Variants in RGR observed in about 807,000 individuals in gnomAD.
RGR encodes retinal G protein coupled receptor, also known as RPE-retinal G protein-coupled receptor.
Under a neutral mutation model 28.6 loss-of-function variants are expected in RGR, and 30 were observed. The ratio of observed to expected loss-of-function variants is 1.05; its 90% CI spans 0.78 to 1.42. The LOEUF is 1.42. Among genes scored for constraint, RGR ranks in the 40% most tolerant of loss-of-function variants. The pLI is 0.00. For synonymous variants in RGR, 180 were observed against 156.4 expected (o/e 1.15, Z -1.13); for missense variants, 404 against 375.6 (o/e 1.08, Z -0.62).
chr10:84,251,136 G>A (rs139660782), intron 3 of RGR, among the ~76,000 whole-genome samples: 5,191 of 152,044 alleles, frequency 0.034, 146 homozygotes, highest in East Asian at 0.12. Flanking sequence ...TTGAGAGGCT[G>A]AGGAAGGAGA....
At chr10:84,252,749 G>A (rs1233256925) in intron 3 of RGR, 108 bp from the exon 4 acceptor site, 29 of 1,387,252 alleles carry the variant, frequency 2.1e-5, no homozygotes, top group Non-Finnish European at 2.8e-5. Flanking sequence ...GACTGAGGCT[G>A]GTGGATCACT....
At position 84,252,852 on chromosome 10, in the gene RGR, T is replaced by G. The variant is rs1213129665; in HGVS notation, c.359-5T>G. 3.1e-6 allele frequency: 5 copies of G among 1,614,124 alleles called. No individual in the cohort carries two copies. Among genetic ancestry groups the G allele is most frequent in the Non-Finnish European group, 3.4e-6 (4 of 1,180,034 alleles). ...AACCTCCTCTTCTTCCTCTGTCCTGTGCAGGTAGCCAGCTGGCCTGGAACT... is the reference window on the plus strand; with the variant it reads ...AACCTCCTCTTCTTCCTCTGTCCTGGGCAGGTAGCCAGCTGGCCTGGAACT... On this transcript the variant is annotated splice_region_variant and splice_polypyrimidine_tract_variant and intron_variant, in intron 3 of 6. Transcript: ENST00000652092.
At chr10:84,250,278 C>T (rs781647255) in intron 3 of RGR, 166 of 705,808 alleles carry the variant, frequency 2.4e-4, no homozygotes, top group Middle Eastern at 9.2e-4. Context: ...ATGGCATGTC[C>T]TCTTTGGAAT....
intron 3 of RGR, among the ~76,000 whole-genome samples, chr10:84,249,923 C>T (rs1157984757): frequency 6.6e-6 from 1 of 152,126 alleles, no homozygotes; most frequent in East Asian, 1.9e-4. Flanking sequence ...AATGTAAACA[C>T]CTGCTACAAG....
intron 3 of RGR, among the ~76,000 whole-genome samples, chr10:84,252,144 G>A (rs1453406146): frequency 3.9e-5 from 6 of 152,240 alleles, no homozygotes; most frequent in Admixed American, 3.9e-4. Flanking sequence ...GAAGGGACTA[G>A]AGGAGGTCAA....
intron 1 of RGR, among the ~76,000 whole-genome samples, chr10:84,245,638 G>A (rs778775706): frequency 2.0e-5 from 3 of 152,118 alleles, no homozygotes; most frequent in East Asian, 1.9e-4. Flanking sequence ...TTGACATTCC[G>A]AATGGGTGGT....
chr10:84,250,832 TGGAA>T (rs1279299950), intron 3 of RGR: 1 of 160,678 alleles, frequency 6.2e-6, no homozygotes. Flanking sequence ...TGTTTGAACC[TGGAA>T]GGCAGAGGTT....
chr10:84,248,548 C>T (rs983517536), intron 2 of RGR: 42 of 348,838 alleles, frequency 1.2e-4, no homozygotes, highest in African/African-American at 8.2e-4. Flanking sequence ...GGCCTGGGAT[C>T]TCCCCTCTGA....
intron 4 of RGR, 78 bp downstream of exon 4, chr10:84,253,088 G>A: frequency 6.0e-6 from 9 of 1,501,246 alleles, no homozygotes; most frequent in South Asian, 1.2e-5. Flanking sequence ...GGGTGCCCCA[G>A]CTGAAAATCC....
intron 3 of RGR, among the ~76,000 whole-genome samples, chr10:84,252,287 C>T (rs1842827921): frequency 6.6e-6 from 1 of 152,210 alleles, no homozygotes; most frequent in Non-Finnish European, 1.5e-5. Context: ...TGGCCTGATT[C>T]TGAGCAAGTG....
rs116534641 is a variant in RGR at position 84,253,033 on chromosome 10, G to A, written c.512+23G>A. The A allele has an allele frequency of 3.0e-3, 4,876 of 1,610,650 alleles. 147 individuals are homozygous for A. The African/African-American group carries it at 0.059, about 19-fold the overall frequency. ...CAGGTGAGGTGGGAGGAGCAGCTTC[G>A]AGGCTCCTATCCATGGGAATCTTGG... is the stretch of plus-strand genomic sequence containing the variant. On this transcript the variant is annotated intron_variant, in intron 4 of 6. Transcript: ENST00000652092.
Position 84,258,619 on chromosome 10 carries a change from G to A in RGR, c.856G>A (p.Glu286Lys), listed in dbSNP as rs775412187. The A allele has an allele frequency of 1.2e-6, 2 of 1,614,182 alleles. No homozygotes were observed. Among genetic ancestry groups the A allele is most frequent in the South Asian group, 1.1e-5 (1 of 91,084 alleles). ...GCAGTGCCTCTCACCGCAGAAGAGG[G>A]AGAAGGACCGAACCAAGTGAGCCTG... ...IWQCLSPQKREKDRTK is the reference protein window; with the variant it reads ...IWQCLSPQKRKKDRTK Residue 286 changes from glutamate to lysine, a missense_variant, in exon 7 of 7, where the codon GAG becomes AAG. Coordinates refer to ENST00000652092, the MANE Select transcript of RGR (RefSeq NM_001012720.2).
At chr10:84,252,731 C>T (rs916929247) in intron 3 of RGR, 126 bp from the exon 4 acceptor site, 5 of 1,237,180 alleles carry the variant, frequency 4.0e-6, no homozygotes, top group Non-Finnish European at 5.9e-6. Flanking sequence ...AATCCCAGCA[C>T]TTTGGGAGAC....
chr10:84,252,719 G>A (rs925664611), intron 3 of RGR, 138 bp from the exon 4 acceptor site: 25 of 1,135,294 alleles, frequency 2.2e-5, no homozygotes, highest in Non-Finnish European at 3.2e-5. Flanking sequence ...GCTCAATCCT[G>A]TAATCCCAGC....
intron 2 of RGR, chr10:84,248,713 G>A (rs1018225278): frequency 9.0e-6 from 7 of 775,448 alleles, no homozygotes; most frequent in Admixed American, 2.3e-5. Context: ...TGCAGTCAAA[G>A]TCACCCAGCC....
Position 84,258,650 on chromosome 10 carries a change from C to T in RGR, c.*11C>T. The T allele has an allele frequency of 6.2e-7, 1 of 1,614,014 alleles. No homozygotes were observed. The highest frequency in any genetic ancestry group is 8.5e-7 in the Non-Finnish European group (1 of 1,179,954). On this transcript the variant is annotated 3_prime_UTR_variant, in exon 7 of 7. Coordinates refer to ENST00000652092, the MANE Select transcript of RGR (RefSeq NM_001012720.2). ...GACCGAACCAAGTGAGCCTGCCACC[C>T]TGGAGTGAGCCCCAGGCCAGGAGGC... is the stretch of plus-strand genomic sequence containing the variant.
rs1842916341 is a variant in RGR at position 84,258,529 on chromosome 10, A to G, written c.766A>G (p.Met256Val). Reference sequence around the variant, plus strand: ...ACAGGTGCCCGCCCTCATTGCCAAAATGGTGCCCACGATCAATGCCATCAA... The same window carrying G: ...ACAGGTGCCCGCCCTCATTGCCAAAGTGGTGCCCACGATCAATGCCATCAA... The part of the protein sequence containing the change: ...LQMVPALIAK[M>V]VPTINAINYA... Residue 256 changes from methionine to valine, a missense_variant, in exon 7 of 7, where the codon ATG (methionine) becomes GTG (valine). Physicochemically the swap from Met to Val is conservative, Grantham distance 21. Coordinates refer to ENST00000652092, the MANE Select transcript of RGR (RefSeq NM_001012720.2). 3 of 1,614,212 alleles carry G rather than the reference A, an allele frequency of 1.9e-6. No homozygotes were observed. Among genetic ancestry groups the G allele is most frequent in the East Asian group, 2.2e-5 (1 of 44,884 alleles).
rs754999998 is a variant in RGR at position 84,253,011 on chromosome 10, GT to G, written c.512+2del. The G allele has an allele frequency of 2.5e-6, 4 of 1,613,220 alleles. No homozygotes were observed. The highest frequency in any genetic ancestry group is 1.7e-6 in the Non-Finnish European group (2 of 1,179,974). On this transcript the variant is annotated splice_donor_variant, in intron 4 of 6. Coordinates refer to ENST00000652092, the MANE Select transcript of RGR (RefSeq NM_001012720.2). LOFTEE classifies it high-confidence loss of function. ...CCCTGGACTACTCCAAGGGGGACAGGTGAGGTGGGAGGAGCAGCTTCGAGGC... is the reference window on the plus strand; with the variant it reads ...CCCTGGACTACTCCAAGGGGGACAGGGAGGTGGGAGGAGCAGCTTCGAGGC...
chr10:84,250,276 T>C, intron 3 of RGR: 1 of 704,242 alleles, frequency 1.4e-6, no homozygotes, highest in South Asian at 1.5e-5. Flanking sequence ...CCATGGCATG[T>C]CCTCTTTGGA....
Sources: allele counts gnomAD v4.1 joint callset (sites outside exome capture counted in the v4.1 genomes callset), GRCh38; gene constraint gnomAD v4.1.1; transcripts MANE v1.5; gene names NCBI Gene and HGNC (gene_info 2026-07-23, HGNC 2026-07-21).